Variants in LRRC7 observed in about 807,000 individuals in gnomAD.
LRRC7 encodes the protein leucine rich repeat containing 7.
Under a neutral mutation model 175.7 loss-of-function variants are expected in LRRC7, and 23 were observed. The observed-to-expected ratio is 0.13, with a 90% CI of 0.09 to 0.19. The LOEUF is 0.19. LRRC7 is among the 10% of genes least tolerant of loss of function. The probability of loss-of-function intolerance (pLI) is 1.00; values close to 1 mark genes in which losing one functional copy is unlikely to be tolerated. For missense variants in LRRC7, 1,354 were observed against 1,904.7 expected (o/e 0.71, Z 5.38); for synonymous variants, 685 against 680.9 (o/e 1.01, Z -0.09).
chr1:69,931,887 C>T (rs146322989), intron 8 of LRRC7, among the ~76,000 whole-genome samples: 4 of 152,256 alleles, frequency 2.6e-5, no homozygotes, highest in African/African-American at 9.6e-5. Flanking sequence ...TGGTCACTGT[C>T]ATACATAGCT....
chr1:69,780,708 C>T (rs1673390224), intron 3 of LRRC7, among the ~76,000 whole-genome samples: 2 of 152,068 alleles, frequency 1.3e-5, no homozygotes, highest in South Asian at 4.1e-4. Context: ...TTATAATGTG[C>T]ACAGTATAAT....
chr1:69,781,956 G>A (rs1357334162), intron 3 of LRRC7, among the ~76,000 whole-genome samples: 1 of 151,248 alleles, frequency 6.6e-6, no homozygotes, highest in East Asian at 1.9e-4. Context: ...AGAAAAGAAA[G>A]AAAGAAAGAA....
intron 2 of LRRC7, among the ~76,000 whole-genome samples, chr1:69,747,225 A>G (rs1669350839): frequency 6.6e-6 from 1 of 152,168 alleles, no homozygotes; most frequent in South Asian, 2.1e-4. Flanking sequence ...CAGGGATTGG[A>G]GGGAAATTTT....
At chr1:69,948,571 G>C (rs901576801) in intron 8 of LRRC7, among the ~76,000 whole-genome samples, 3 of 152,088 alleles carry the variant, frequency 2.0e-5, no homozygotes, top group Non-Finnish European at 4.4e-5. Context: ...CATATCATTT[G>C]GGTCCTTCAA....
At chr1:70,113,882 C>A (rs985062028) in intron 26 of LRRC7, among the ~76,000 whole-genome samples, 1 of 152,122 alleles carries the variant, frequency 6.6e-6, no homozygotes, top group Non-Finnish European at 1.5e-5. Flanking sequence ...GTCCTCTTTA[C>A]CAAAGCATCA....
intron 7 of LRRC7, among the ~76,000 whole-genome samples, chr1:69,929,291 G>T (rs1393012138): frequency 2.0e-5 from 3 of 152,140 alleles, no homozygotes; most frequent in Non-Finnish European, 2.9e-5. Context: ...GTCTATGCTT[G>T]TTTATGCAAC....
At chr1:69,720,339 A>G (rs1451042807) in intron 2 of LRRC7, among the ~76,000 whole-genome samples, 1 of 151,616 alleles carries the variant, frequency 6.6e-6, no homozygotes. Flanking sequence ...TTTACAGTCT[A>G]ACATGAATAA....
intron 1 of LRRC7, among the ~76,000 whole-genome samples, chr1:69,639,578 A>AT (rs1653895572): frequency 6.6e-6 from 1 of 151,784 alleles, no homozygotes; most frequent in Admixed American, 6.6e-5. Context: ...GGACATCTTT[A>AT]AAGGGGTTTT....
intron 8 of LRRC7, among the ~76,000 whole-genome samples, chr1:69,968,756 G>A (rs1651912532): frequency 6.6e-6 from 1 of 152,098 alleles, no homozygotes; most frequent in Non-Finnish European, 1.5e-5. Flanking sequence ...TCTCAAGCCA[G>A]CAATAAAACA....
intron 3 of LRRC7, among the ~76,000 whole-genome samples, chr1:69,785,228 A>G: frequency 1.3e-5 from 2 of 152,244 alleles, no homozygotes; most frequent in South Asian, 4.1e-4. Context: ...ATGTTACTAT[A>G]CTAGGTACAT....
At chr1:69,888,649 A>T (rs983202692) in intron 7 of LRRC7, among the ~76,000 whole-genome samples, 4 of 152,122 alleles carry the variant, frequency 2.6e-5, no homozygotes, top group Admixed American at 6.5e-5. Context: ...CCTCCTGAGG[A>T]CATTTTTCTA....
intron 4 of LRRC7, among the ~76,000 whole-genome samples, chr1:69,822,053 C>A (rs1277662976): frequency 1.3e-5 from 2 of 152,114 alleles, no homozygotes; most frequent in African/African-American, 4.8e-5. Context: ...CACCAGTCAG[C>A]CAGATGATGG....
intron 2 of LRRC7, among the ~76,000 whole-genome samples, chr1:69,722,298 C>A (rs1470221641): frequency 6.6e-6 from 1 of 151,940 alleles, no homozygotes; most frequent in Non-Finnish European, 1.5e-5. Context: ...TACTGTCGTA[C>A]ATTGTATTGA....
chr1:70,051,849 G>A (rs1206880533), intron 22 of LRRC7, among the ~76,000 whole-genome samples: 2 of 152,040 alleles, frequency 1.3e-5, no homozygotes, highest in East Asian at 1.9e-4. Flanking sequence ...TAGAATGCAG[G>A]TAAGGAGGTT....
rs570480063 is a variant in LRRC7, at chr1:69,834,665, G to A, written c.501-115G>A. The A allele has an allele frequency of 3.1e-5, 26 of 841,836 alleles. No individual in the cohort carries two copies. The East Asian group carries it at 6.3e-4, about 20-fold the overall frequency. The allele number at this position is 841,836 out of a possible 1,614,324, so 52.1% of individuals were successfully genotyped here. On this transcript the variant is annotated intron_variant, in intron 5 of 26. Transcript: ENST00000651989. ...ATTCTTTCATTACTGTAATACCAAA[G>A]GAGAGTTGAAAAATGTATTACATTT...
chr1:69,715,991 T>C (rs1665305167), intron 2 of LRRC7, among the ~76,000 whole-genome samples: 1 of 152,034 alleles, frequency 6.6e-6, no homozygotes, highest in Non-Finnish European at 1.5e-5. Context: ...GTTTGTGGAA[T>C]TATTCTTATA....
intron 7 of LRRC7, among the ~76,000 whole-genome samples, chr1:69,904,955 G>T (rs1253491033): frequency 6.6e-6 from 1 of 152,054 alleles, no homozygotes; most frequent in Non-Finnish European, 1.5e-5. Context: ...ATCCACTGAA[G>T]ATAACACCCT....
At chr1:69,988,849 C>A (rs967770519) in intron 10 of LRRC7, among the ~76,000 whole-genome samples, 3 of 152,022 alleles carry the variant, frequency 2.0e-5, no homozygotes, top group African/African-American at 7.2e-5. Flanking sequence ...CAGAAAACTG[C>A]CAGACAGGGA....
intron 3 of LRRC7, among the ~76,000 whole-genome samples, chr1:69,786,990 C>T (rs1674524177): frequency 6.6e-6 from 1 of 152,208 alleles, no homozygotes. Context: ...ACCTATGAGC[C>T]TGTAAAATCA....
Sources: gnomAD v4.1 joint callset for allele counts (sites outside exome capture counted in the v4.1 genomes callset) on GRCh38, gnomAD v4.1.1 for gene constraint, MANE v1.5 for transcripts, NCBI Gene and HGNC (gene_info 2026-07-23, HGNC 2026-07-21) for gene names.